FRRS1: variants seen among roughly 807,000 people sequenced by gnomAD.
The protein encoded by FRRS1 is ferric chelate reductase 1, also known as ferric reductase 1.
In FRRS1, 51 loss-of-function variants were observed where a neutral mutation model predicts 70.7. The ratio of observed to expected loss-of-function variants is 0.72; its 90% confidence interval spans 0.58 to 0.91. FRRS1 has a LOEUF of 0.91. Ranked by LOEUF, FRRS1 falls within the 40% of genes least tolerant of loss-of-function variation. The pLI is 0.00. For missense variants in FRRS1, 672 were observed against 726.0 expected (o/e 0.93, Z 0.86); for synonymous variants, 225 against 238.7 (o/e 0.94, Z 0.53).
chr1:99,759,798 G>C (rs1052332978), intron 1 of FRRS1, among the ~76,000 whole-genome samples: 4 of 152,204 alleles, frequency 2.6e-5, no homozygotes, highest in African/African-American at 9.6e-5. Flanking sequence ...ATCCTTATAA[G>C]CAGCAGATTT....
rs1469631536 is a variant in FRRS1, at chr1:99,755,805, A to C, written c.-105-6804T>G. The stretch of plus-strand genomic sequence containing the variant: ...CATATTGGGAATTATTTGAGCAAGA[A>C]GTATAAGACAAGAAAGGGAAGTGAC... On this transcript the variant is annotated intron_variant, in intron 1 of 16. Transcript: ENST00000646001. Among the ~76,000 whole-genome samples the C allele has an allele frequency of 2.0e-5, 3 of 152,242 alleles. No homozygotes were observed. The South Asian group carries it at 6.2e-4, about 31-fold the overall frequency.
chr1:99,738,038 G>A, intron 7 of FRRS1, 48 bp downstream of exon 7: 1 of 1,473,004 alleles, frequency 6.8e-7, no homozygotes, highest in Non-Finnish European at 9.3e-7. Flanking sequence ...ACCATGCCTA[G>A]CCGTGATTCT....
chr1:99,730,500 T>C (rs1197393578), intron 7 of FRRS1, among the ~76,000 whole-genome samples: 1 of 152,138 alleles, frequency 6.6e-6, no homozygotes, highest in Non-Finnish European at 1.5e-5. Flanking sequence ...GGCAGGAGGA[T>C]TGCTTGAAGC....
intron 4 of FRRS1, among the ~76,000 whole-genome samples, chr1:99,746,102 C>A (rs900446004): frequency 2.0e-5 from 3 of 152,190 alleles, no homozygotes; most frequent in Non-Finnish European, 4.4e-5. Context: ...CTTTTAGCAA[C>A]ACAGGAACAG....
At chr1:99,759,851 C>A (rs931554398) in intron 1 of FRRS1, among the ~76,000 whole-genome samples, 1 of 152,148 alleles carries the variant, frequency 6.6e-6, no homozygotes, top group Non-Finnish European at 1.5e-5. Flanking sequence ...AAGGAATATA[C>A]CCTAAATCAC....
chr1:99,719,736 C>A, intron 9 of FRRS1, 89 bp from the exon 10 acceptor site: 2 of 687,644 alleles, frequency 2.9e-6, no homozygotes. Context: ...GGCATGGCAA[C>A]AAAATTTCTT....
In FRRS1 at chr1:99,708,395, C is replaced by T. The variant is rs893653805; in HGVS notation, c.*633G>A. On this transcript the variant is annotated 3_prime_UTR_variant, in exon 17 of 17. Coordinates refer to ENST00000646001, the MANE Select transcript of FRRS1 (RefSeq NM_001361041.2). ...CAGGCAGATCACAAGGTCAGGAGAT[C>T]GAGACCATCCTGTGAATGGTGAAAC... Among the ~76,000 whole-genome samples, 7 of 151,276 alleles carry T rather than the reference C, an allele frequency of 4.6e-5. No homozygotes were observed. The highest frequency in any genetic ancestry group is 1.7e-4 in the African/African-American group (7 of 41,182).
At chr1:99,752,652 T>C (rs1656629096) in intron 1 of FRRS1, among the ~76,000 whole-genome samples, 2 of 152,326 alleles carry the variant, frequency 1.3e-5, no homozygotes, top group African/African-American at 4.8e-5. Context: ...GGCTCACACC[T>C]GTAATCCCCG....
At position 99,726,814 on chromosome 1, in the gene FRRS1, CT is replaced by C. The variant is rs1373535961; in HGVS notation, c.1006+1678del. On this transcript the variant is annotated intron_variant, in intron 9 of 16. Coordinates refer to ENST00000646001, the MANE Select transcript of FRRS1 (RefSeq NM_001361041.2). ...CTCAACCTCCTGGGCTCGGGCAATC[CT>C]TTCACCTCAGCCTCCTGAGTAGCTA... Among the ~76,000 whole-genome samples the C allele has an allele frequency of 2.6e-5, 4 of 152,326 alleles. No individual in the cohort carries two copies. In the East Asian group the frequency reaches 7.7e-4, roughly 29 times the overall value.
chr1:99,744,688 A>G (rs1449072757), intron 4 of FRRS1, among the ~76,000 whole-genome samples: 1 of 133,250 alleles, frequency 7.5e-6, no homozygotes, highest in African/African-American at 3.5e-5. Flanking sequence ...CAGGAGGCTG[A>G]AGCAGGATAA....
intron 4 of FRRS1, among the ~76,000 whole-genome samples, chr1:99,746,303 G>A (rs1656261843): frequency 6.6e-6 from 1 of 152,134 alleles, no homozygotes; most frequent in African/African-American, 2.4e-5. Flanking sequence ...CTATGGAAGA[G>A]AACTCTGATA....
rs186586898 is a variant in FRRS1 at position 99,746,360 on chromosome 1, G to A, written c.333+934C>T. Among the ~76,000 whole-genome samples, 184 of 152,182 alleles carry A rather than the reference G, an allele frequency of 1.2e-3. 1 individual carries two copies. Among genetic ancestry groups the A allele is most frequent in the African/African-American group, 4.1e-3 (171 of 41,524 alleles). On this transcript the variant is annotated intron_variant, in intron 4 of 16. Transcript: ENST00000646001. ...GGATTACACCATTGAAGATACTATC[G>A]TTATTATAGAAAAAGCCAAGACAGC...
Position 99,747,407 on chromosome 1 carries a change from T to C in FRRS1, c.220A>G (p.Lys74Glu). The C allele has an allele frequency of 6.2e-7, 1 of 1,612,736 alleles. No homozygotes were observed. The highest frequency in any genetic ancestry group is 8.5e-7 in the Non-Finnish European group (1 of 1,179,478). ...TTACGCGCTTCTAGGAGAAAGCCTT[T>C]AAATGGATGCCCTGACAAAGTAACT... ...IEVTLSGHPF[K>E]GFLLEARNAE... The change falls in exon 4 of 17, where the codon AAA becomes GAA. Residue 74 changes from lysine (K) to glutamate (E), a missense_variant. By Grantham distance (56) the Lys-to-Glu change is moderately conservative (BLOSUM62 1). Coordinates refer to ENST00000646001, the MANE Select transcript of FRRS1 (RefSeq NM_001361041.2).
rs1654051844 is a variant in FRRS1, at chr1:99,706,926, T to G, written c.*2102A>C. Among the ~76,000 whole-genome samples, 1 of 151,968 alleles carries G rather than the reference T, an allele frequency of 6.6e-6. No individual in the cohort carries two copies. The highest frequency in any genetic ancestry group is 2.1e-4 in the South Asian group (1 of 4,816). ...AAAGAGAGAATTTTTCTTTGTCAGA[T>G]GTAGAATATAACTTAAGAGAAATTT... On this transcript the variant is annotated 3_prime_UTR_variant, in exon 17 of 17. Coordinates refer to ENST00000646001, the MANE Select transcript of FRRS1 (RefSeq NM_001361041.2).
At chr1:99,748,273 G>A (rs1571145970) in intron 3 of FRRS1, 1 of 202,642 alleles carries the variant, frequency 4.9e-6, no homozygotes, top group East Asian at 1.3e-4. Context: ...GAAGGACAAG[G>A]GTTTATTATA....
intron 5 of FRRS1, 93 bp downstream of exon 5, chr1:99,742,086 C>A: frequency 1.3e-6 from 1 of 767,724 alleles, no homozygotes; most frequent in Non-Finnish European, 2.2e-6. Context: ...AAATCCTGGG[C>A]TCAAGTGATC....
Position 99,738,106 on chromosome 1 carries a change from A to G in FRRS1, c.739T>C (p.Leu247=). 6.2e-7 allele frequency: 1 copy of G among 1,612,846 alleles called. No individual in the cohort carries two copies. The highest frequency in any genetic ancestry group is 8.5e-7 in the Non-Finnish European group (1 of 1,179,136). Residue 247 remains leucine (L), a synonymous_variant, in exon 7 of 17, where the codon TTG becomes CTG. Transcript: ENST00000646001. ...GPSKGYLSFA[L]SHDQWMGDDD... ...CCAACCATCCACTGATCATGAGACA[A>G]TGCAAAGGATAAATAGCCTTTACTG...
chr1:99,764,436 A>G (rs975099026), intron 1 of FRRS1, among the ~76,000 whole-genome samples: 1 of 152,184 alleles, frequency 6.6e-6, no homozygotes, highest in Admixed American at 6.5e-5. Flanking sequence ...ACTACAAAGT[A>G]TGTACATGTA....
chr1:99,726,210 A>G (rs1032576074), intron 9 of FRRS1, among the ~76,000 whole-genome samples: 1 of 152,130 alleles, frequency 6.6e-6, no homozygotes, highest in African/African-American at 2.4e-5. Flanking sequence ...TCACCATGTA[A>G]GATGTGGCTA....
Sources: allele counts gnomAD v4.1 joint callset (sites outside exome capture counted in the v4.1 genomes callset), GRCh38; gene constraint gnomAD v4.1.1; transcripts MANE v1.5; gene names NCBI Gene and HGNC (gene_info 2026-07-23, HGNC 2026-07-21).